GABRB1: variants seen among roughly 807,000 people sequenced by gnomAD.
GABRB1 encodes the protein gamma-aminobutyric acid receptor subunit beta-1.
In GABRB1, 17 loss-of-function variants were observed where a neutral mutation model predicts 51.6. That is an observed-to-expected ratio of 0.33 (90% confidence interval 0.23 to 0.49). The LOEUF (loss-of-function observed/expected upper bound fraction) is 0.49. GABRB1 is among the 20% of genes least tolerant of loss of function. GABRB1 has a pLI of 0.99. For synonymous variants in GABRB1, 247 were observed against 218.9 expected, an observed-to-expected ratio of 1.13 and a Z score of -1.14; for missense variants, 410 against 600.6, an observed-to-expected ratio of 0.68 and a Z score of 3.32.
chr4:47,312,036 CTTGTGTGTGT>C lies in GABRB1; in HGVS notation c.462-8090_462-8081del, dbSNP rs1476167460. ...ATAAAAATAAAACATTTACCCAAGG[CTTGTGTGTGT>C]GTGTGTGTGTGTGTGTGTGTGTGTG... On this transcript the variant is annotated intron_variant, in intron 4 of 8. Coordinates refer to ENST00000295454, the MANE Select transcript of GABRB1 (RefSeq NM_000812.4). Among the ~76,000 whole-genome samples, 17 of 51,940 alleles carry C rather than the reference CTTGTGTGTGT, an allele frequency of 3.3e-4. 1 individual carries two copies. The South Asian group carries it at 0.014, about 43-fold the overall frequency. 34.1% of individuals were successfully genotyped at this position (51,940 alleles called of 152,430 possible).
chr4:47,319,574 T>C (rs1355045161), intron 4 of GABRB1, among the ~76,000 whole-genome samples: 1 of 152,184 alleles, frequency 6.6e-6, no homozygotes, highest in Non-Finnish European at 1.5e-5. Flanking sequence ...TGACATGCTG[T>C]TGAATTTCAT....
chr4:47,328,882 C>G (rs1032768612), intron 5 of GABRB1, among the ~76,000 whole-genome samples: 2 of 149,710 alleles, frequency 1.3e-5, no homozygotes, highest in Non-Finnish European at 3.0e-5. Flanking sequence ...CTAAACTGCA[C>G]GTTTTGCACA....
intron 5 of GABRB1, among the ~76,000 whole-genome samples, chr4:47,350,199 A>G (rs965581680): frequency 1.2e-5 from 1 of 84,812 alleles, no homozygotes; most frequent in Admixed American, 1.3e-4. Flanking sequence ...ATATATATAT[A>G]TATATATATA....
chr4:47,068,848 G>T (rs1055349003), intron 3 of GABRB1, among the ~76,000 whole-genome samples: 1 of 152,170 alleles, frequency 6.6e-6, no homozygotes, highest in Non-Finnish European at 1.5e-5. Context: ...TAACTTGCTC[G>T]ATGCAGGCTT....
chr4:47,261,884 C>T (rs535410759), intron 4 of GABRB1, among the ~76,000 whole-genome samples: 11 of 152,070 alleles, frequency 7.2e-5, no homozygotes, highest in South Asian at 2.1e-4. Flanking sequence ...TCAGAAATAA[C>T]GCCGCATATC....
Position 47,025,152 on chromosome 4 carries a change from C to A in GABRB1, c.-19-6762C>A, listed in dbSNP as rs143345448. Among the ~76,000 whole-genome samples, 634 of 150,248 alleles carry A rather than the reference C, an allele frequency of 4.2e-3. 5 individuals are homozygous for A. Among genetic ancestry groups the A allele is most frequent in the African/African-American group, 0.014 (584 of 40,924 alleles). On this transcript the variant is annotated intron_variant, in intron 1 of 3. Transcript: ENST00000513567. ...TTTTTTATCCACTCATTGATTGATG[C>A]GTATTTGGGTTGGCTCCACATTTTT...
At chr4:47,159,233 G>C (rs1220132902) in intron 3 of GABRB1, among the ~76,000 whole-genome samples, 2 of 152,000 alleles carry the variant, frequency 1.3e-5, no homozygotes, top group Non-Finnish European at 2.9e-5. Context: ...TGTGAGCTAG[G>C]ATGGCACCAC....
At chr4:47,197,212 A>G (rs1719718088) in intron 4 of GABRB1, among the ~76,000 whole-genome samples, 1 of 152,230 alleles carries the variant, frequency 6.6e-6, no homozygotes, top group South Asian at 2.1e-4. Context: ...CCTATCTTCT[A>G]CATAGCTTGG....
intron 4 of GABRB1, among the ~76,000 whole-genome samples, chr4:47,275,957 T>C (rs1160910724): frequency 6.6e-6 from 1 of 152,178 alleles, no homozygotes; most frequent in South Asian, 2.1e-4. Flanking sequence ...CTTACAATTA[T>C]GTAGTTCAAA....
intron 5 of GABRB1, among the ~76,000 whole-genome samples, chr4:47,349,355 G>T (rs1016829643): frequency 2.6e-5 from 4 of 152,090 alleles, no homozygotes; most frequent in Non-Finnish European, 5.9e-5. Flanking sequence ...CAGAGAAATG[G>T]GAGGAAAACC....
intron 5 of GABRB1, among the ~76,000 whole-genome samples, chr4:47,345,495 A>G (rs1296741317): frequency 1.3e-5 from 2 of 152,212 alleles, no homozygotes; most frequent in African/African-American, 4.8e-5. Context: ...AGAGGAGTTG[A>G]AAGTGCCTTC....
chr4:47,061,311 C>G (rs886287348), intron 3 of GABRB1, among the ~76,000 whole-genome samples: 2 of 152,048 alleles, frequency 1.3e-5, no homozygotes, highest in African/African-American at 4.8e-5. Context: ...GATCATTGGT[C>G]TTTTCATGGA....
chr4:47,065,671 T>G (rs766093237), intron 3 of GABRB1, among the ~76,000 whole-genome samples: 1 of 152,240 alleles, frequency 6.6e-6, no homozygotes, highest in African/African-American at 2.4e-5. Flanking sequence ...AGTCTTCAAA[T>G]TAGCCAAACA....
intron 3 of GABRB1, among the ~76,000 whole-genome samples, chr4:47,051,769 C>T (rs996267897): frequency 2.6e-5 from 4 of 152,108 alleles, no homozygotes; most frequent in South Asian, 2.1e-4. Context: ...TAATAGTAGA[C>T]GGTAAAGGCT....
At chr4:47,383,623 G>A (rs1727669985) in intron 5 of GABRB1, among the ~76,000 whole-genome samples, 1 of 152,104 alleles carries the variant, frequency 6.6e-6, no homozygotes, top group South Asian at 2.1e-4. Context: ...GAGATGTGAA[G>A]AATGGGTTCA....
At chr4:47,019,687 CCTT>C (rs1250676031) in intron 1 of GABRB1, among the ~76,000 whole-genome samples, 3 of 107,484 alleles carry the variant, frequency 2.8e-5, no homozygotes, top group African/African-American at 7.1e-5. Context: ...TTCCTTCTTT[CCTT>C]CTTCTTTCCT....
At chr4:47,153,836 C>T (rs534397842) in intron 3 of GABRB1, among the ~76,000 whole-genome samples, 2 of 151,860 alleles carry the variant, frequency 1.3e-5, no homozygotes, top group Non-Finnish European at 2.9e-5. Context: ...ATTTAGGATG[C>T]GACAAAGGTA....
intron 3 of GABRB1, among the ~76,000 whole-genome samples, chr4:47,101,295 T>C (rs1041420313): frequency 6.6e-6 from 1 of 151,988 alleles, no homozygotes; most frequent in African/African-American, 2.4e-5. Flanking sequence ...CAAAAGTTGG[T>C]ATGCAAGAAT....
intron 4 of GABRB1, among the ~76,000 whole-genome samples, chr4:47,205,614 G>T (rs1720085157): frequency 6.6e-6 from 1 of 152,104 alleles, no homozygotes; most frequent in Admixed American, 6.6e-5. Flanking sequence ...TCAGATTTTG[G>T]TATTGCATTG....
Sources: allele counts gnomAD v4.1 joint callset (sites outside exome capture counted in the v4.1 genomes callset), GRCh38; gene constraint gnomAD v4.1.1; transcripts MANE v1.5; gene names NCBI Gene and HGNC (gene_info 2026-07-23, HGNC 2026-07-21).